Variants in PRDM16 observed in about 807,000 individuals in gnomAD.
PRDM16 encodes PR/SET domain 16.
In PRDM16, 23 loss-of-function variants were observed where a neutral mutation model predicts 110.6. The ratio of observed to expected loss-of-function variants is 0.21; its 90% CI spans 0.15 to 0.29. The LOEUF is 0.29. Among genes scored for constraint, PRDM16 ranks in the 10% least tolerant of loss-of-function variants. PRDM16 has a pLI of 1.00. For missense variants in PRDM16, 1,615 were observed against 1,794.3 expected (o/e 0.90, Z 1.81); for synonymous variants, 799 against 781.8 (o/e 1.02, Z -0.37).
rs149045895 is a variant in PRDM16 at position 3,256,492 on chromosome 1, CAG to C, written c.438+12356_438+12357del. ...TCATCACGGGGGAATTGCGGGGAGA[CAG>C]GGAGAGAATGAGTCAAGGGGAACAA... On this transcript the variant is annotated intron_variant, in intron 3 of 16. Transcript: ENST00000270722. 8.8e-3 allele frequency among the ~76,000 whole-genome samples: 1,343 copies of C among 152,308 alleles called. 21 individuals are homozygous for C. Among genetic ancestry groups the C allele is most frequent in the African/African-American group, 0.03 (1,255 of 41,554 alleles).
chr1:3,147,495 C>G (rs914844422), intron 1 of PRDM16, among the ~76,000 whole-genome samples: 1 of 152,100 alleles, frequency 6.6e-6, no homozygotes, highest in Non-Finnish European at 1.5e-5. Context: ...TGGACTCCGT[C>G]GCCCTGAGGC....
intron 1 of PRDM16, among the ~76,000 whole-genome samples, chr1:3,114,085 C>T (rs1227022515): frequency 6.6e-6 from 1 of 152,164 alleles, no homozygotes; most frequent in African/African-American, 2.4e-5. Context: ...TTTGTATTTG[C>T]ATGTTCATTT....
intron 1 of PRDM16, 49 bp from the exon 2 acceptor site, chr1:3,186,076 C>A: frequency 6.7e-7 from 1 of 1,498,440 alleles, no homozygotes; most frequent in Non-Finnish European, 9.3e-7. Flanking sequence ...GCTGTACACA[C>A]TGGGTGGGGC....
At position 3,217,810 on chromosome 1, in the gene PRDM16, C is replaced by T. The variant is rs138913738; in HGVS notation, c.388-26277C>T. Among the ~76,000 whole-genome samples, 29 of 152,326 alleles carry T rather than the reference C, an allele frequency of 1.9e-4. No individual in the cohort carries two copies. In the East Asian group the frequency reaches 4.3e-3, roughly 22 times the overall value. On this transcript the variant is annotated intron_variant, in intron 2 of 16. Coordinates refer to ENST00000270722, the MANE Select transcript of PRDM16 (RefSeq NM_022114.4). ...TTCATTTTGGGCTGGCTGGGACGCG[C>T]GCTCTTCCCCCTAGAAGTATTCGGG... is the stretch of plus-strand genomic sequence containing the variant.
chr1:3,429,108 G>A (rs1382793621), intron 14 of PRDM16, among the ~76,000 whole-genome samples: 2 of 151,600 alleles, frequency 1.3e-5, no homozygotes, highest in East Asian at 3.9e-4. Flanking sequence ...GGGAGCTGGA[G>A]AGAGACCAGG....
At chr1:3,262,370 G>C (rs547882374) in intron 3 of PRDM16, among the ~76,000 whole-genome samples, 1 of 152,370 alleles carries the variant, frequency 6.6e-6, no homozygotes, top group African/African-American at 2.4e-5. Flanking sequence ...TGAGTCACCA[G>C]GAGTCCATCT....
chr1:3,322,356 C>A (rs1012923469), intron 3 of PRDM16, among the ~76,000 whole-genome samples: 1 of 152,142 alleles, frequency 6.6e-6, no homozygotes, highest in African/African-American at 2.4e-5. Context: ...TCATTTTCTT[C>A]CCCTCCGGAG....
intron 5 of PRDM16, among the ~76,000 whole-genome samples, chr1:3,402,304 T>A (rs1412427334): frequency 1.3e-5 from 2 of 152,254 alleles, no homozygotes; most frequent in Non-Finnish European, 2.9e-5. Context: ...GCTGATTGTT[T>A]GGCTTGGCAA....
At position 3,255,668 on chromosome 1, in the gene PRDM16, C is replaced by T. The variant is rs537873567; in HGVS notation, c.438+11531C>T. Reference sequence around the variant, plus strand: ...AGCAGCAGGGCTTGGTCCACCCTGGCGGTTGGGCCCAGTTTGTCCTGACTG... The same window carrying T: ...AGCAGCAGGGCTTGGTCCACCCTGGTGGTTGGGCCCAGTTTGTCCTGACTG... On this transcript the variant is annotated intron_variant, in intron 3 of 16. Transcript: ENST00000270722. This position sits in a 1 kb window ranked among gnomAD's most constrained non-coding sequence, Gnocchi z 4.7. 1.2e-4 allele frequency among the ~76,000 whole-genome samples: 19 copies of T among 152,314 alleles called. No homozygotes were observed. Among genetic ancestry groups the T allele is most frequent in the African/African-American group, 3.6e-4 (15 of 41,578 alleles).
At chr1:3,109,469 C>T (rs901805490) in intron 1 of PRDM16, among the ~76,000 whole-genome samples, 4 of 152,196 alleles carry the variant, frequency 2.6e-5, no homozygotes, top group Non-Finnish European at 4.4e-5. Flanking sequence ...CCTAAACAGA[C>T]GCTAAAGTGA....
intron 1 of PRDM16, among the ~76,000 whole-genome samples, chr1:3,181,716 G>GTGCAGTCTTACACACAGTCTTACACA (rs1644201179): frequency 3.7e-5 from 4 of 109,136 alleles, no homozygotes; most frequent in East Asian, 8.1e-4. Flanking sequence ...TCTTACACAC[G>GTGCAGTCTTACACACAGTCTTACACA]CAGTCTTACA....
At chr1:3,409,206 C>T (rs914380717) in intron 8 of PRDM16, among the ~76,000 whole-genome samples, 3 of 150,360 alleles carry the variant, frequency 2.0e-5, no homozygotes, top group South Asian at 2.1e-4. Flanking sequence ...AGAGTGTGGG[C>T]GCGTGAGTTG....
rs142506044 is a variant in PRDM16, at chr1:3,417,156, C to T, written c.2692-672C>T. On this transcript the variant is annotated intron_variant, in intron 10 of 16. Transcript: ENST00000270722. ...TGGGCATCTCCAGGGAGCAGAGAGG[C>T]AGCTCCTGTTGCCCATATCAAATTG... Among the ~76,000 whole-genome samples, 69 of 152,362 alleles carry T rather than the reference C, an allele frequency of 4.5e-4. 1 individual carries two copies. The highest frequency in any genetic ancestry group is 3.1e-3 in the South Asian group (15 of 4,828).
chr1:3,149,768 C>T (rs1643742425), intron 1 of PRDM16, among the ~76,000 whole-genome samples: 1 of 152,246 alleles, frequency 6.6e-6, no homozygotes, highest in Non-Finnish European at 1.5e-5. Context: ...TCCATCCATC[C>T]ACCTTCACCG....
intron 1 of PRDM16, among the ~76,000 whole-genome samples, chr1:3,072,667 A>T (rs1208415623): frequency 6.6e-6 from 1 of 151,620 alleles, no homozygotes; most frequent in Non-Finnish European, 1.5e-5. Flanking sequence ...TCCCTGGGGC[A>T]GTTGGCCCCG....
chr1:3,250,463 G>A (rs1394238720), intron 3 of PRDM16, among the ~76,000 whole-genome samples: 1 of 151,892 alleles, frequency 6.6e-6, no homozygotes, highest in Non-Finnish European at 1.5e-5. Context: ...CCCTTTTGCC[G>A]CCGCCCCCCC....
At chr1:3,193,955 G>A (rs930593899) in intron 2 of PRDM16, among the ~76,000 whole-genome samples, 10 of 152,194 alleles carry the variant, frequency 6.6e-5, no homozygotes, top group East Asian at 1.9e-4. Context: ...GCCCAGGAAC[G>A]TCCCAGTGTC....
chr1:3,256,204 C>T (rs2100234832), intron 3 of PRDM16, among the ~76,000 whole-genome samples: 1 of 152,316 alleles, frequency 6.6e-6, no homozygotes, highest in Admixed American at 6.5e-5. Flanking sequence ...ATGCCTCCAA[C>T]TCCATGGCAC....
intron 12 of PRDM16, among the ~76,000 whole-genome samples, chr1:3,424,249 A>G (rs1445457889): frequency 6.6e-6 from 1 of 152,180 alleles, no homozygotes; most frequent in African/African-American, 2.4e-5. Flanking sequence ...CTCAATGCAC[A>G]TGTCGCTCAG....
Sources: allele counts gnomAD v4.1 joint callset (sites outside exome capture counted in the v4.1 genomes callset), GRCh38; gene constraint gnomAD v4.1.1; non-coding constraint Gnocchi (gnomAD v3.1); transcripts MANE v1.5; gene names NCBI Gene and HGNC (gene_info 2026-07-23, HGNC 2026-07-21).